The following GRIK2 variants were observed in gnomAD, a reference collection of about 807,000 sequenced individuals.
GRIK2 encodes glutamate receptor ionotropic, kainate 2.
GRIK2 carries 32 observed loss-of-function variants against 100.3 expected under a neutral mutation model. The ratio of observed to expected loss-of-function variants is 0.32; its 90% CI spans 0.24 to 0.43. GRIK2 has a LOEUF of 0.43. Ranked by LOEUF, GRIK2 falls within the 20% of genes least tolerant of loss-of-function variation. The pLI is 1.00. For missense variants in GRIK2, 843 were observed against 1,114.9 expected (o/e 0.76, Z 3.47); for synonymous variants, 417 against 389.4 (o/e 1.07, Z -0.83).
chr6:101,690,218 T>A (rs1771993656), intron 7 of GRIK2, among the ~76,000 whole-genome samples: 1 of 152,112 alleles, frequency 6.6e-6, no homozygotes, highest in Non-Finnish European at 1.5e-5. Flanking sequence ...AATTTAATTA[T>A]CAGTATTTTT....
At chr6:101,638,684 T>TTG (rs1044368829) in intron 4 of GRIK2, among the ~76,000 whole-genome samples, 1 of 151,992 alleles carries the variant, frequency 6.6e-6, no homozygotes, top group African/African-American at 2.4e-5. Context: ...CTGTCATTTG[T>TTG]TGTGTGTGTG....
chr6:101,723,678 A>G (rs899020679), intron 7 of GRIK2, among the ~76,000 whole-genome samples: 1 of 152,042 alleles, frequency 6.6e-6, no homozygotes, highest in East Asian at 1.9e-4. Context: ...CTGGTTAATG[A>G]ATAAATAGTA....
intron 14 of GRIK2, among the ~76,000 whole-genome samples, chr6:102,006,531 C>A (rs867498749): frequency 6.6e-6 from 1 of 151,486 alleles, no homozygotes; most frequent in African/African-American, 2.4e-5. Flanking sequence ...CCACTCCTGG[C>A]TAATTTTTGT....
chr6:102,065,289 T>C (rs1339474832), intron 16 of GRIK2, among the ~76,000 whole-genome samples: 1 of 151,244 alleles, frequency 6.6e-6, no homozygotes, highest in Admixed American at 6.6e-5. Flanking sequence ...ACTATTCTGG[T>C]AATTGATTAG....
At chr6:101,904,991 G>A (rs911453098) in intron 12 of GRIK2, among the ~76,000 whole-genome samples, 2 of 151,346 alleles carry the variant, frequency 1.3e-5, no homozygotes, top group Admixed American at 6.6e-5. Context: ...ACTGAAAGAA[G>A]GTCATTGTAT....
At chr6:102,057,338 C>A (rs920552025) in intron 16 of GRIK2, among the ~76,000 whole-genome samples, 1 of 151,810 alleles carries the variant, frequency 6.6e-6, no homozygotes, top group Non-Finnish European at 1.5e-5. Context: ...TTTAGCTAGG[C>A]CGTATCTTTA....
At chr6:101,927,940 A>G (rs930697433) in intron 13 of GRIK2, 3 of 157,990 alleles carry the variant, frequency 1.9e-5, no homozygotes, top group Admixed American at 1.8e-4. Context: ...TTTAAAAATA[A>G]CAAGATAGAC....
Position 101,926,387 on chromosome 6 carries a change from G to A in GRIK2, c.1867+1668G>A, listed in dbSNP as rs1789903920. 2.6e-5 allele frequency among the ~76,000 whole-genome samples: 4 copies of A among 152,080 alleles called. No homozygotes were observed. In the South Asian group the frequency reaches 8.3e-4, roughly 32 times the overall value. On this transcript the variant is annotated intron_variant, in intron 13 of 16. Transcript: ENST00000369134. ...TCGTCTGTTAATAATTAGTAGTCTG[G>A]AGGGAGTTATCCTCATAATAAACAT... is the stretch of plus-strand genomic sequence containing the variant.
At chr6:101,680,624 A>T (rs1308312172) in intron 5 of GRIK2, among the ~76,000 whole-genome samples, 1 of 152,170 alleles carries the variant, frequency 6.6e-6, no homozygotes, top group Non-Finnish European at 1.5e-5. Context: ...TTAGTTATAC[A>T]TCTGAATCGT....
chr6:102,065,918 T>C, intron 16 of GRIK2: 9 of 1,409,184 alleles, frequency 6.4e-6, no homozygotes, highest in Non-Finnish European at 7.5e-6. Flanking sequence ...TCTTAATAAG[T>C]ACATCTAATA....
At chr6:101,514,371 T>G (rs760144440) in intron 2 of GRIK2, among the ~76,000 whole-genome samples, 1 of 151,844 alleles carries the variant, frequency 6.6e-6, no homozygotes, top group Non-Finnish European at 1.5e-5. Flanking sequence ...GCAGATAGTT[T>G]AATAGCCAAG....
At chr6:102,056,671 T>C (rs1247643695) in intron 16 of GRIK2, among the ~76,000 whole-genome samples, 4 of 151,960 alleles carry the variant, frequency 2.6e-5, no homozygotes, top group Non-Finnish European at 5.9e-5. Context: ...ATATTTTTTC[T>C]AATATTCTTT....
At chr6:101,585,003 A>G (rs530942446) in intron 2 of GRIK2, among the ~76,000 whole-genome samples, 1 of 152,086 alleles carries the variant, frequency 6.6e-6, no homozygotes, top group East Asian at 1.9e-4. Flanking sequence ...TCATTTCCTA[A>G]GCTCTGAGTA....
At chr6:101,879,562 A>C (rs1786100823) in intron 11 of GRIK2, among the ~76,000 whole-genome samples, 1 of 151,942 alleles carries the variant, frequency 6.6e-6, no homozygotes, top group Non-Finnish European at 1.5e-5. Context: ...TCAGCCACCT[A>C]GTCCTAAAGT....
chr6:101,707,695 A>C (rs1773436025), intron 7 of GRIK2, among the ~76,000 whole-genome samples: 1 of 150,148 alleles, frequency 6.7e-6, no homozygotes, highest in Admixed American at 6.7e-5. Flanking sequence ...AGGCACTCAT[A>C]CTCAGTGAGC....
chr6:101,841,798 A>T (rs1327285598), intron 10 of GRIK2, among the ~76,000 whole-genome samples: 2 of 152,178 alleles, frequency 1.3e-5, no homozygotes, highest in African/African-American at 4.8e-5. Context: ...TATACGTGCA[A>T]ATCTATGAAC....
intron 7 of GRIK2, among the ~76,000 whole-genome samples, chr6:101,713,041 A>G (rs1156255577): frequency 6.6e-6 from 1 of 151,836 alleles, no homozygotes; most frequent in Non-Finnish European, 1.5e-5. Flanking sequence ...TCATTTTACA[A>G]TGTAGACTTG....
Position 101,928,433 on chromosome 6 carries a change from A to G in GRIK2, c.1886A>G (p.Lys629Arg). 6.3e-7 allele frequency: 1 copy of G among 1,591,410 alleles called. No individual in the cohort carries two copies. Among genetic ancestry groups the G allele is most frequent in the South Asian group, 1.1e-5 (1 of 90,654 alleles). Reference protein sequence around the residue: ...LMQQGSELMPKALSTRIVGGI... With the variant: ...LMQQGSELMPRALSTRIVGGI... The stretch of plus-strand genomic sequence containing the variant: ...CTGTTAGGTTCTGAGCTCATGCCCA[A>G]AGCACTGTCCACCAGGATAGTGGGA... Residue 629 changes from lysine to arginine, a missense_variant, in exon 14 of 17, where the codon AAA becomes AGA. Physicochemically the swap from Lys to Arg is conservative, Grantham distance 26. Coordinates refer to ENST00000369134, the MANE Select transcript of GRIK2 (RefSeq NM_021956.5).
chr6:101,790,497 G>A (rs1264767598), intron 7 of GRIK2, among the ~76,000 whole-genome samples: 1 of 149,628 alleles, frequency 6.7e-6, no homozygotes. Flanking sequence ...CTGTTTATAT[G>A]CTGGATTACA....
Sources: allele counts gnomAD v4.1 joint callset (sites outside exome capture counted in the v4.1 genomes callset), GRCh38; gene constraint gnomAD v4.1.1; transcripts MANE v1.5; gene names NCBI Gene and HGNC (gene_info 2026-07-23, HGNC 2026-07-21).